TEK: variants seen among roughly 807,000 people sequenced by gnomAD.
The protein encoded by TEK is TEK receptor tyrosine kinase.
A neutral mutation model predicts 131.8 loss-of-function variants in TEK; 43 were observed. The observed-to-expected ratio is 0.33, with a 90% CI of 0.26 to 0.42. The LOEUF is 0.42. Ranked by LOEUF, TEK falls within the 10% of genes least tolerant of loss-of-function variation. The probability of loss-of-function intolerance (pLI) is 1.00; values close to 1 mark genes in which losing one functional copy is unlikely to be tolerated. For synonymous variants in TEK, 580 were observed against 491.6 expected (o/e 1.18, Z -2.38); for missense variants, 1,162 against 1,384.4 (o/e 0.84, Z 2.55).
At chr9:27,181,266 G>T (rs1370963692) in intron 7 of TEK, among the ~76,000 whole-genome samples, 1 of 152,040 alleles carries the variant, frequency 6.6e-6, no homozygotes, top group Non-Finnish European at 1.5e-5. Context: ...ATGCCTTCAT[G>T]ACATACCTTT....
intron 7 of TEK, among the ~76,000 whole-genome samples, chr9:27,181,345 T>C (rs1002394266): frequency 6.6e-6 from 1 of 152,062 alleles, no homozygotes; most frequent in Non-Finnish European, 1.5e-5. Flanking sequence ...ATCCTAAATC[T>C]CCAAAAAATT....
intron 1 of TEK, among the ~76,000 whole-genome samples, chr9:27,143,945 A>G (rs574124343): frequency 8.5e-5 from 13 of 152,286 alleles, no homozygotes; most frequent in Non-Finnish European, 1.9e-4. Context: ...AGAGAAGAGA[A>G]GTGTTGGAGG....
intron 11 of TEK, among the ~76,000 whole-genome samples, chr9:27,196,325 T>C (rs1244631434): frequency 6.6e-6 from 1 of 152,198 alleles, no homozygotes; most frequent in Non-Finnish European, 1.5e-5. Flanking sequence ...ATTTTGAGTG[T>C]TTAGGTTTCT....
chr9:27,199,988 T>G (rs945548080), intron 12 of TEK, among the ~76,000 whole-genome samples: 1 of 152,226 alleles, frequency 6.6e-6, no homozygotes, highest in Non-Finnish European at 1.5e-5. Flanking sequence ...AGTGTTGTTT[T>G]GTGTATTTAG....
At chr9:27,177,192 T>C (rs1824200977) in intron 6 of TEK, among the ~76,000 whole-genome samples, 1 of 152,218 alleles carries the variant, frequency 6.6e-6, no homozygotes, top group Non-Finnish European at 1.5e-5. Context: ...ATTTCATTTC[T>C]CTTGGATATA....
chr9:27,139,322 ATTTTTTTTTTTT>A (rs1158698852), intron 1 of TEK, among the ~76,000 whole-genome samples: 2 of 86,922 alleles, frequency 2.3e-5, no homozygotes, highest in African/African-American at 9.6e-5. Context: ...AGCTTTAACA[ATTTTTTTTTTTT>A]TTTTTTTTTT....
At chr9:27,215,470 A>G (rs887986724) in intron 18 of TEK, among the ~76,000 whole-genome samples, 1 of 151,984 alleles carries the variant, frequency 6.6e-6, no homozygotes, top group African/African-American at 2.4e-5. Context: ...ACTTCAAAGC[A>G]TCTGCATTTT....
intron 4 of TEK, among the ~76,000 whole-genome samples, chr9:27,171,403 G>A (rs1205747623): frequency 6.6e-6 from 1 of 152,220 alleles, no homozygotes; most frequent in East Asian, 1.9e-4. Context: ...CAAGAATTGT[G>A]TTGGTGTTGA....
chr9:27,169,708 T>C, intron 4 of TEK, 79 bp downstream of exon 4: 1 of 1,595,374 alleles, frequency 6.3e-7, no homozygotes, highest in Non-Finnish European at 8.6e-7. Context: ...TAACAGAAAC[T>C]AACCATGGCT....
At chr9:27,140,173 A>C (rs970508334) in intron 1 of TEK, among the ~76,000 whole-genome samples, 1 of 152,184 alleles carries the variant, frequency 6.6e-6, no homozygotes. Context: ...GATCGAAAAC[A>C]TGTAGAAAAT....
chr9:27,149,512 A>G (rs1823047702), intron 1 of TEK, among the ~76,000 whole-genome samples: 1 of 152,222 alleles, frequency 6.6e-6, no homozygotes, highest in Non-Finnish European at 1.5e-5. Flanking sequence ...TAGGAAGGCT[A>G]GGTGACTTCT....
chr9:27,118,142 C>G (rs1328744318), intron 1 of TEK, among the ~76,000 whole-genome samples: 1 of 152,028 alleles, frequency 6.6e-6, no homozygotes, highest in Non-Finnish European at 1.5e-5. Flanking sequence ...AAATTCTGAT[C>G]CCTGTGTCAG....
At chr9:27,138,116 G>C (rs1195695883) in intron 1 of TEK, among the ~76,000 whole-genome samples, 2 of 152,220 alleles carry the variant, frequency 1.3e-5, no homozygotes, top group Non-Finnish European at 2.9e-5. Flanking sequence ...TGAAGCCGCA[G>C]ACCCTCTCAG....
At chr9:27,154,941 G>A (rs1299476749) in intron 1 of TEK, among the ~76,000 whole-genome samples, 1 of 152,160 alleles carries the variant, frequency 6.6e-6, no homozygotes, top group Non-Finnish European at 1.5e-5. Context: ...TACATAGCTT[G>A]GTTGTCTTTT....
intron 9 of TEK, among the ~76,000 whole-genome samples, chr9:27,188,521 A>G (rs1248473199): frequency 1.3e-5 from 2 of 152,196 alleles, no homozygotes; most frequent in African/African-American, 2.4e-5. Flanking sequence ...TTATTTTATC[A>G]TACAAGGAAA....
Position 27,202,845 on chromosome 9 carries a change from C to A in TEK, c.1935C>A (p.Ile645=). Residue 645 remains isoleucine (I), a synonymous_variant, in exon 13 of 23, where the codon ATC becomes ATA. Transcript: ENST00000380036. The part of the protein sequence containing the change: ...SDILPPQPEN[I]KISNITHSSA... ...TTCTTCCTCCTCAACCAGAAAACAT[C>A]AAGATTTCCAACATTACACACTCCT... 1 of 1,614,066 alleles carries A rather than the reference C, an allele frequency of 6.2e-7. No homozygotes were observed. Among genetic ancestry groups the A allele is most frequent in the Admixed American group, 1.7e-5 (1 of 60,020 alleles).
chr9:27,194,759 A>T (rs1194579746), intron 11 of TEK, among the ~76,000 whole-genome samples: 1 of 152,034 alleles, frequency 6.6e-6, no homozygotes, highest in Non-Finnish European at 1.5e-5. Context: ...CGGGAAGGGG[A>T]TTATTGAAGG....
intron 7 of TEK, among the ~76,000 whole-genome samples, chr9:27,181,874 G>A (rs747528018): frequency 6.6e-6 from 1 of 151,044 alleles, no homozygotes; most frequent in African/African-American, 2.4e-5. Flanking sequence ...TACATATCCA[G>A]TGAAATCTAC....
chr9:27,138,310 C>T lies in TEK; in HGVS notation c.53-19521C>T, dbSNP rs533503176. Among the ~76,000 whole-genome samples, 197 of 152,328 alleles carry T rather than the reference C, an allele frequency of 1.3e-3. 1 individual carries two copies. The highest frequency in any genetic ancestry group is 3.4e-3 in the Middle Eastern group (1 of 294). ...CCCTGCCCACATCCTGCTGATTGGT[C>T]CATTTTGCAGAGAGCTGATTGGTCC... On this transcript the variant is annotated intron_variant, in intron 1 of 22. Coordinates refer to ENST00000380036, the MANE Select transcript of TEK (RefSeq NM_000459.5).
Sources: allele counts gnomAD v4.1 joint callset (sites outside exome capture counted in the v4.1 genomes callset), GRCh38; gene constraint gnomAD v4.1.1; transcripts MANE v1.5; gene names NCBI Gene and HGNC (gene_info 2026-07-23, HGNC 2026-07-21).